ASB1: variants seen among roughly 807,000 people sequenced by gnomAD.
The protein encoded by ASB1 is ankyrin repeat and SOCS box containing 1, also known as ankyrin repeat and SOCS box protein 1.
In ASB1, 18 loss-of-function variants were observed where a neutral mutation model predicts 27.7. That is an observed-to-expected ratio of 0.65 (90% CI 0.45 to 0.96). The LOEUF (loss-of-function observed/expected upper bound fraction) is 0.96. ASB1 is among the 50% of genes least tolerant of loss of function. The pLI is 0.00. For missense variants in ASB1, 397 were observed against 451.7 expected (o/e 0.88, Z 1.10); for synonymous variants, 189 against 187.6 (o/e 1.01, Z -0.06).
At position 238,450,455 on chromosome 2, in the gene ASB1, G is replaced by A. The variant is rs1224909417; in HGVS notation, c.*3944G>A. 1 of 152,236 alleles carries A rather than the reference G, an allele frequency of 6.6e-6. No homozygotes were observed. The highest frequency in any genetic ancestry group is 2.4e-5 in the African/African-American group (1 of 41,464). 9.4% of individuals were successfully genotyped at this position (152,236 alleles called of 1,614,324 possible). ...TTGGTTGCAAAACAAAATGTTGGTT[G>A]CTGTTTGTCAGCCCCAGAATTTCTT... is the stretch of plus-strand genomic sequence containing the variant. On this transcript the variant is annotated 3_prime_UTR_variant, in exon 5 of 5. Coordinates refer to ENST00000264607, the MANE Select transcript of ASB1 (RefSeq NM_001040445.3).
chr2:238,433,294 A>G lies in ASB1; in HGVS notation c.50-260A>G, dbSNP rs983578301. On this transcript the variant is annotated intron_variant, in intron 1 of 4. Transcript: ENST00000264607. ...AGGTTTCTACTATTTTCTGTGATTT[A>G]TTTCTTTTGTTTTTACAGACAGGGT... The G allele has an allele frequency of 1.9e-5, 7 of 362,706 alleles. No homozygotes were observed. The Admixed American group carries it at 2.3e-4, about 12-fold the overall frequency. The allele number at this position is 362,706 out of a possible 1,614,324, so 22.5% of individuals were successfully genotyped here.
In ASB1 at chr2:238,447,313, G is replaced by C. The variant is rs1353397560; in HGVS notation, c.*802G>C. 6.5e-6 allele frequency: 1 copy of C among 152,770 alleles called. No homozygotes were observed. Among genetic ancestry groups the C allele is most frequent in the Non-Finnish European group, 1.5e-5 (1 of 68,144 alleles). 9.5% of individuals were successfully genotyped at this position (152,770 alleles called of 1,614,324 possible). A position where few individuals can be genotyped will look rare whatever the true frequency, so the allele number is the denominator to read the frequency against. On this transcript the variant is annotated 3_prime_UTR_variant, in exon 5 of 5. Transcript: ENST00000264607. ...AGGCGAGGAAAATGCCCGAGGCGCT[G>C]TCTTCTGTCCCCCACACGTACCAGA...
In ASB1 at chr2:238,449,325, CGTG is replaced by C. The variant is rs1702236545; in HGVS notation, c.*2817_*2819del. Reference sequence around the variant, plus strand: ...GCCCAAGTCCCATGGGACAGGGAAACGTGGTCCTCAGTGAGGCTGCTGCCTGGC... The same window carrying C: ...GCCCAAGTCCCATGGGACAGGGAAACGTCCTCAGTGAGGCTGCTGCCTGGC... On this transcript the variant is annotated 3_prime_UTR_variant, in exon 5 of 5. Transcript: ENST00000264607. The C allele has an allele frequency of 6.6e-6, 1 of 152,362 alleles. No homozygotes were observed. The highest frequency in any genetic ancestry group is 2.4e-5 in the African/African-American group (1 of 41,468). 9.4% of individuals were successfully genotyped at this position (152,362 alleles called of 1,614,324 possible).
chr2:238,439,644 A>G (rs1702042071), intron 3 of ASB1, among the ~76,000 whole-genome samples: 3 of 152,172 alleles, frequency 2.0e-5, no homozygotes, highest in African/African-American at 7.2e-5. Flanking sequence ...GGGCTGATGA[A>G]AGCTCAAGAA....
rs551174570 is a variant in ASB1 at position 238,447,880 on chromosome 2, A to G, written c.*1369A>G. On this transcript the variant is annotated 3_prime_UTR_variant, in exon 5 of 5. Transcript: ENST00000264607. ...CAGTGTCTGGCCATTATTGCGTTCTACAGCCAGAGGATAGAATTCTATACC... is the reference window on the plus strand; with the variant it reads ...CAGTGTCTGGCCATTATTGCGTTCTGCAGCCAGAGGATAGAATTCTATACC... The G allele has an allele frequency of 2.0e-5, 3 of 152,366 alleles. No individual in the cohort carries two copies. The highest frequency in any genetic ancestry group is 1.3e-4 in the Admixed American group (2 of 15,308). The allele number at this position is 152,366 out of a possible 1,614,324, so 9.4% of individuals were successfully genotyped here.
intron 4 of ASB1, 136 bp from the exon 5 acceptor site, chr2:238,446,246 TTG>T: frequency 3.1e-6 from 3 of 967,394 alleles, no homozygotes; most frequent in Non-Finnish European, 4.6e-6. Flanking sequence ...AGCCATCACT[TTG>T]TGTTTCACTG....
In ASB1 at chr2:238,446,665, C is replaced by CCGCT. The variant is rs990427676; in HGVS notation, c.*155_*158dup. 2 of 929,246 alleles carry CCGCT rather than the reference C, an allele frequency of 2.2e-6. No individual in the cohort carries two copies. 57.6% of individuals were successfully genotyped at this position (929,246 alleles called of 1,614,324 possible). On this transcript the variant is annotated 3_prime_UTR_variant, in exon 5 of 5. Coordinates refer to ENST00000264607, the MANE Select transcript of ASB1 (RefSeq NM_001040445.3). ...TGTCATTGCTCCTCAGGTGCCTGGG[C>CCGCT]CGCTGAACAGTCCTTGGGTCATTGT...
At chr2:238,441,140 T>TC (rs1309070915) in intron 3 of ASB1, among the ~76,000 whole-genome samples, 1 of 151,026 alleles carries the variant, frequency 6.6e-6, no homozygotes, top group East Asian at 1.9e-4. Context: ...GCTTTCAATT[T>TC]TTTTTTTTTT....
At chr2:238,439,062 C>T (rs574516118) in intron 3 of ASB1, among the ~76,000 whole-genome samples, 1 of 152,258 alleles carries the variant, frequency 6.6e-6, no homozygotes, top group South Asian at 2.1e-4. Flanking sequence ...AAATTACAAA[C>T]GTTTTGGAAG....
chr2:238,426,933 GCCGGCGCGCGCCCGC>G lies in ASB1; in HGVS notation c.-136_-122del. On this transcript the variant is annotated 5_prime_UTR_variant, in exon 1 of 5. Coordinates refer to ENST00000264607, the MANE Select transcript of ASB1 (RefSeq NM_001040445.3). ...CTGCGCGGCCCCGGAAACCAGTGAGGCCGGCGCGCGCCCGCCGGAAGCCGCGACCCCGACGCGCCC... is the reference window on the plus strand; with the variant it reads ...CTGCGCGGCCCCGGAAACCAGTGAGGCGGAAGCCGCGACCCCGACGCGCCC... The G allele has an allele frequency of 1.7e-6, 1 of 571,844 alleles. No individual in the cohort carries two copies. Among genetic ancestry groups the G allele is most frequent in the Non-Finnish European group, 2.6e-6 (1 of 391,534 alleles). The allele number at this position is 571,844 out of a possible 1,614,324, so 35.4% of individuals were successfully genotyped here.
Position 238,433,686 on chromosome 2 carries a change from G to A in ASB1, c.182G>A (p.Ser61Asn). 1 of 1,613,954 alleles carries A rather than the reference G, an allele frequency of 6.2e-7. No individual in the cohort carries two copies. The highest frequency in any genetic ancestry group is 8.5e-7 in the Non-Finnish European group (1 of 1,179,916). The stretch of plus-strand genomic sequence containing the variant: ...CTCAGGAGCCTATTGCAAGAGGAGA[G>A]CTACCGGAGGTGAGCGGCGCTGCCC... ...QTLRSLLQEE[S>N]YRSRINEKSV... Residue 61 changes from serine (S) to asparagine (N), a missense_variant, in exon 2 of 5, where the codon AGC becomes AAC. Ser to Asn is a conservative substitution (Grantham distance 46, BLOSUM62 1). Transcript: ENST00000264607.
chr2:238,451,864 C>G lies in ASB1; in HGVS notation c.*5353C>G, dbSNP rs531207168. ...TTTTTTCTTTCTTCTTTCTATGGAA[C>G]GTTTCAAGTGATTGGATAGAAAGAA... On this transcript the variant is annotated 3_prime_UTR_variant, in exon 5 of 5. Coordinates refer to ENST00000264607, the MANE Select transcript of ASB1 (RefSeq NM_001040445.3). 4 of 151,172 alleles carry G rather than the reference C, an allele frequency of 2.6e-5. No homozygotes were observed. Among genetic ancestry groups the G allele is most frequent in the Non-Finnish European group, 1.5e-5 (1 of 67,596 alleles). The allele number at this position is 151,172 out of a possible 1,614,324, so 9.4% of individuals were successfully genotyped here. A position where few individuals can be genotyped will look rare whatever the true frequency, so the allele number is the denominator to read the frequency against.
chr2:238,429,798 TGTG>T (rs1299808217), intron 1 of ASB1, among the ~76,000 whole-genome samples: 3 of 151,838 alleles, frequency 2.0e-5, no homozygotes, highest in Non-Finnish European at 4.4e-5. Flanking sequence ...ATTAGCCAGG[TGTG>T]GTGGCGGGTA....
chr2:238,435,355 G>A (rs1701947124), intron 2 of ASB1: 1 of 263,188 alleles, frequency 3.8e-6, no homozygotes, highest in Non-Finnish European at 7.3e-6. Context: ...CAGACTCCCG[G>A]GCGAGTGCGC....
At chr2:238,436,059 T>C in intron 3 of ASB1, 46 bp downstream of exon 3, 1 of 1,493,270 alleles carries the variant, frequency 6.7e-7, no homozygotes, top group Non-Finnish European at 8.9e-7. Context: ...ACTTTATTTT[T>C]CTTCTCTGTA....
intron 2 of ASB1, among the ~76,000 whole-genome samples, chr2:238,434,193 T>TC (rs1188955948): frequency 6.6e-6 from 1 of 152,200 alleles, no homozygotes; most frequent in Non-Finnish European, 1.5e-5. Flanking sequence ...TCCTTTCTGT[T>TC]CCCCTCATCA....
intron 3 of ASB1, among the ~76,000 whole-genome samples, chr2:238,443,289 A>G (rs540228196): frequency 5.7e-4 from 86 of 152,184 alleles, no homozygotes; most frequent in Non-Finnish European, 9.1e-4. Context: ...ATGCTTAGAT[A>G]TGTCATAGTA....
chr2:238,429,725 G>C (rs1366296692), intron 1 of ASB1, among the ~76,000 whole-genome samples: 1 of 152,182 alleles, frequency 6.6e-6, no homozygotes, highest in Non-Finnish European at 1.5e-5. Context: ...GAGGTCAGGA[G>C]ATCAAGATCA....
At chr2:238,436,225 T>G (rs973301547) in intron 3 of ASB1, among the ~76,000 whole-genome samples, 3 of 151,908 alleles carry the variant, frequency 2.0e-5, no homozygotes, top group African/African-American at 4.8e-5. Context: ...TAATTTTTAG[T>G]TTTTTTTCCC....
Sources: gnomAD v4.1 joint callset for allele counts (sites outside exome capture counted in the v4.1 genomes callset) on GRCh38, gnomAD v4.1.1 for gene constraint, MANE v1.5 for transcripts, NCBI Gene and HGNC (gene_info 2026-07-23, HGNC 2026-07-21) for gene names.